The following LRFN5 variants were observed in gnomAD, a reference collection of about 807,000 sequenced individuals.
The protein encoded by LRFN5 is leucine rich repeat and fibronectin type III domain containing 5, also known as leucine-rich repeat and fibronectin type-III domain-containing protein 5.
LRFN5 carries 24 observed loss-of-function variants against 45.6 expected under a neutral mutation model. The observed-to-expected ratio is 0.53, with a 90% CI of 0.38 to 0.74. The LOEUF (loss-of-function observed/expected upper bound fraction) is 0.74. Ranked by LOEUF, LRFN5 falls within the 30% of genes least tolerant of loss-of-function variation. The probability of loss-of-function intolerance (pLI) is 0.00; values close to 1 mark genes in which losing one functional copy is unlikely to be tolerated. For missense variants in LRFN5, 776 were observed against 861.5 expected (o/e 0.90, Z 1.24); for synonymous variants, 340 against 313.8 (o/e 1.08, Z -0.88).
intron 2 of LRFN5, among the ~76,000 whole-genome samples, chr14:41,882,485 A>G (rs1387617611): frequency 6.6e-6 from 1 of 152,136 alleles, no homozygotes; most frequent in Non-Finnish European, 1.5e-5. Flanking sequence ...CCAAGCTGAA[A>G]AGCAAGGTTG....
chr14:41,858,016 T>A (rs1889532389), intron 2 of LRFN5, among the ~76,000 whole-genome samples: 1 of 152,186 alleles, frequency 6.6e-6, no homozygotes, highest in Admixed American at 6.5e-5. Flanking sequence ...ACATTAGAGC[T>A]AAATTGGAGA....
chr14:41,735,051 T>A (rs902082927), intron 1 of LRFN5, among the ~76,000 whole-genome samples: 1 of 152,132 alleles, frequency 6.6e-6, no homozygotes, highest in African/African-American at 2.4e-5. Context: ...ATCGTAAATA[T>A]TTGATTTATT....
At chr14:41,651,958 G>A (rs953927024) in intron 1 of LRFN5, among the ~76,000 whole-genome samples, 51 of 151,904 alleles carry the variant, frequency 3.4e-4, no homozygotes, top group Non-Finnish European at 6.5e-4. Flanking sequence ...TCCACTTCTT[G>A]TATCAATACC....
intron 2 of LRFN5, among the ~76,000 whole-genome samples, chr14:41,856,675 A>ATTATTATTATTATTTTTTTT: frequency 3.3e-4 from 6 of 18,336 alleles, no homozygotes; most frequent in East Asian, 1.3e-3. Flanking sequence ...TATTATTATT[A>ATTATTATTATTATTTTTTTT]TTTTTTTTTT....
intron 2 of LRFN5, among the ~76,000 whole-genome samples, chr14:41,841,699 T>C (rs1888865499): frequency 6.6e-6 from 1 of 151,958 alleles, no homozygotes; most frequent in Non-Finnish European, 1.5e-5. Flanking sequence ...TGTAGATTTG[T>C]ACACTCATTT....
intron 1 of LRFN5, among the ~76,000 whole-genome samples, chr14:41,639,949 ATTTTTTTTTT>A (rs34020254): frequency 9.0e-4 from 61 of 68,092 alleles, no homozygotes; most frequent in African/African-American, 3.2e-3. Context: ...TGACTGGCTA[ATTTTTTTTTT>A]TTTTTTTTTT....
intron 2 of LRFN5, among the ~76,000 whole-genome samples, chr14:41,850,046 C>A (rs1197903210): frequency 6.6e-6 from 1 of 151,792 alleles, no homozygotes; most frequent in Admixed American, 6.6e-5. Flanking sequence ...TGGTCTTCAC[C>A]TCCAAGTACT....
chr14:41,644,896 AG>A (rs1042009702), intron 1 of LRFN5, among the ~76,000 whole-genome samples: 4 of 152,198 alleles, frequency 2.6e-5, no homozygotes, highest in Non-Finnish European at 4.4e-5. Context: ...AATAAATTTC[AG>A]GGATCATATT....
At chr14:41,667,561 T>G (rs1880960445) in intron 1 of LRFN5, among the ~76,000 whole-genome samples, 1 of 152,184 alleles carries the variant, frequency 6.6e-6, no homozygotes, top group African/African-American at 2.4e-5. Context: ...TCCACGCTCC[T>G]GCCCCTTTCC....
chr14:41,816,263 A>G (rs1304892447), intron 2 of LRFN5, among the ~76,000 whole-genome samples: 3 of 151,998 alleles, frequency 2.0e-5, no homozygotes, highest in Non-Finnish European at 4.4e-5. Context: ...ACACACATAT[A>G]TATATGCATA....
intron 1 of LRFN5, among the ~76,000 whole-genome samples, chr14:41,739,901 C>T (rs1566646142): frequency 6.6e-6 from 1 of 151,560 alleles, no homozygotes; most frequent in Non-Finnish European, 1.5e-5. Flanking sequence ...TGCAAGGGAC[C>T]TAAAGACTAT....
At chr14:41,859,229 A>G (rs1889578044) in intron 2 of LRFN5, among the ~76,000 whole-genome samples, 1 of 152,172 alleles carries the variant, frequency 6.6e-6, no homozygotes, top group South Asian at 2.1e-4. Context: ...GGATTCAGAA[A>G]CTTTCTAGCT....
rs1042905945 is a variant in LRFN5, at chr14:41,889,923, G to A, written c.1386-1327G>A. ...GTGTCTCCCAGGCTTGAGTGAAGTGGCACAATCTCGGCTCACTGCAACCTC... is the reference window on the plus strand; with the variant it reads ...GTGTCTCCCAGGCTTGAGTGAAGTGACACAATCTCGGCTCACTGCAACCTC... On this transcript the variant is annotated intron_variant, in intron 3 of 5. Transcript: ENST00000298119. Among the ~76,000 whole-genome samples the A allele has an allele frequency of 4.5e-4, 68 of 152,186 alleles. 1 individual carries two copies. The highest frequency in any genetic ancestry group is 1.1e-3 in the African/African-American group (45 of 41,532).
intron 1 of LRFN5, among the ~76,000 whole-genome samples, chr14:41,616,861 T>C (rs971087385): frequency 6.6e-6 from 1 of 152,160 alleles, no homozygotes; most frequent in African/African-American, 2.4e-5. Context: ...CAGAAGACCC[T>C]TGGGACCAAT....
intron 2 of LRFN5, among the ~76,000 whole-genome samples, chr14:41,812,880 T>G (rs1332371796): frequency 2.0e-5 from 3 of 152,092 alleles, no homozygotes; most frequent in Non-Finnish European, 4.4e-5. Context: ...AAACTTAGAT[T>G]GTGCTAGATC....
chr14:41,744,005 TA>T (rs1353351133), intron 1 of LRFN5, among the ~76,000 whole-genome samples: 12 of 152,240 alleles, frequency 7.9e-5, no homozygotes, highest in African/African-American at 2.9e-4. Flanking sequence ...TGGAGGATGT[TA>T]AATTCAATCA....
chr14:41,826,547 A>T (rs1051944104), intron 2 of LRFN5, among the ~76,000 whole-genome samples: 2 of 152,174 alleles, frequency 1.3e-5, no homozygotes, highest in African/African-American at 4.8e-5. Flanking sequence ...ATATTATAGA[A>T]AATGCCCAGT....
At chr14:41,788,875 A>G (rs1886821166) in intron 2 of LRFN5, among the ~76,000 whole-genome samples, 1 of 152,040 alleles carries the variant, frequency 6.6e-6, no homozygotes, top group Non-Finnish European at 1.5e-5. Flanking sequence ...TATACACGTT[A>G]ATATACTTCT....
At chr14:41,696,075 T>G (rs892592626) in intron 1 of LRFN5, among the ~76,000 whole-genome samples, 3 of 151,920 alleles carry the variant, frequency 2.0e-5, no homozygotes, top group African/African-American at 7.2e-5. Flanking sequence ...CCAACTTTCA[T>G]GGACAACTTT....
Sources: allele counts gnomAD v4.1 joint callset (sites outside exome capture counted in the v4.1 genomes callset), GRCh38; gene constraint gnomAD v4.1.1; transcripts MANE v1.5; gene names NCBI Gene and HGNC (gene_info 2026-07-23, HGNC 2026-07-21).